ZNF566: variants seen among roughly 807,000 people sequenced by gnomAD.
The protein encoded by ZNF566 is zinc finger protein 566.
Under a neutral mutation model 32.8 loss-of-function variants are expected in ZNF566, and 27 were observed. The ratio of observed to expected loss-of-function variants is 0.82; its 90% CI spans 0.61 to 1.14. The LOEUF (loss-of-function observed/expected upper bound fraction) is 1.14, where lower values mean the gene tolerates loss of function less well. ZNF566 is among the 50% of genes most tolerant of loss of function. ZNF566 has a pLI of 0.00. For missense variants in ZNF566, 402 were observed against 490.4 expected, an observed-to-expected ratio of 0.82 and a Z score of 1.70; for synonymous variants, 154 against 159.5, an observed-to-expected ratio of 0.97 and a Z score of 0.26.
intron 4 of ZNF566, among the ~76,000 whole-genome samples, chr19:36,468,016 T>A (rs2033667354): frequency 6.6e-6 from 1 of 150,462 alleles, no homozygotes; most frequent in Admixed American, 6.6e-5. Flanking sequence ...AGAAACCCCA[T>A]CTCTACTAAA....
At chr19:36,475,170 C>T (rs539869794) in intron 2 of ZNF566, among the ~76,000 whole-genome samples, 18 of 152,284 alleles carry the variant, frequency 1.2e-4, no homozygotes, top group African/African-American at 3.9e-4. Flanking sequence ...CTCAGCCTCC[C>T]GAGTAGCTGG....
At chr19:36,451,388 T>C (rs2033153505) in intron 4 of ZNF566, among the ~76,000 whole-genome samples, 1 of 152,148 alleles carries the variant, frequency 6.6e-6, no homozygotes, top group African/African-American at 2.4e-5. Context: ...TGTCGTGTAA[T>C]TCTGAGATGC....
chr19:36,449,421 AG>A lies in ZNF566; in HGVS notation c.812del (p.Thr271IlefsTer177). ...GKAFSSGSNF[T>X]RHQRIHTGEK... ...CACCTGTGTGAATTCTCTGATGTCG[AG>A]TGAAGTTTGAACCACTACTAAAGGC... On this transcript the variant is annotated frameshift_variant, in exon 5 of 5. Transcript: ENST00000452939. LOFTEE classifies it high-confidence loss of function. 6.2e-7 allele frequency: 1 copy of A among 1,614,120 alleles called. No individual in the cohort carries two copies. Among genetic ancestry groups the A allele is most frequent in the Non-Finnish European group, 8.5e-7 (1 of 1,180,012 alleles).
At chr19:36,468,261 T>C (rs1204368116) in intron 4 of ZNF566, among the ~76,000 whole-genome samples, 1 of 151,164 alleles carries the variant, frequency 6.6e-6, no homozygotes, top group East Asian at 1.9e-4. Context: ...GGAACATTCA[T>C]ATACTGCTGG....
At chr19:36,473,259 G>T (rs1051270355) in intron 3 of ZNF566, 73 bp downstream of exon 3, 2 of 1,556,878 alleles carry the variant, frequency 1.3e-6, no homozygotes, top group African/African-American at 2.7e-5. Context: ...TGAAAGCCAG[G>T]TGAGCATTTC....
rs535511389 is a variant in ZNF566, at chr19:36,458,978, C to A, written c.233-8977G>T. 6.6e-5 allele frequency among the ~76,000 whole-genome samples: 10 copies of A among 152,228 alleles called. No homozygotes were observed. The East Asian group carries it at 1.7e-3, about 27-fold the overall frequency. On this transcript the variant is annotated intron_variant, in intron 4 of 4. Coordinates refer to ENST00000452939, the MANE Select transcript of ZNF566 (RefSeq NM_001145344.1). ...AAGTGCTTCTCTTGCCTCAGCCTCCCAGGTAGCTGGGATTACAGGCATGCA... is the reference window on the plus strand; with the variant it reads ...AAGTGCTTCTCTTGCCTCAGCCTCCAAGGTAGCTGGGATTACAGGCATGCA...
intron 4 of ZNF566, among the ~76,000 whole-genome samples, chr19:36,463,917 G>A (rs2033546431): frequency 6.6e-6 from 1 of 151,870 alleles, no homozygotes; most frequent in African/African-American, 2.4e-5. Context: ...GTAGAGCCTG[G>A]GTTTCACCAC....
In ZNF566 at chr19:36,455,911, C is replaced by T. The variant is rs1342581986; in HGVS notation, c.233-5910G>A. On this transcript the variant is annotated intron_variant, in intron 4 of 4. Coordinates refer to ENST00000452939, the MANE Select transcript of ZNF566 (RefSeq NM_001145344.1). ...AAAATTAGCCAGGCATGGTGGTGGG[C>T]GCCTATAGTCCCAACTACTAGGGAG... 4.0e-5 allele frequency among the ~76,000 whole-genome samples: 6 copies of T among 151,686 alleles called. No homozygotes were observed. In the South Asian group the frequency reaches 6.3e-4, roughly 16 times the overall value.
rs1337119328 is a variant in ZNF566, at chr19:36,462,117, T to A, written c.232+10794A>T. Among the ~76,000 whole-genome samples, 6 of 151,430 alleles carry A rather than the reference T, an allele frequency of 4.0e-5. No individual in the cohort carries two copies. The South Asian group carries it at 1.3e-3, about 32-fold the overall frequency. ...AATTCTCCTGCCTCAGCCTCCCGAGTAGCTGGGATTAGAGGCATGCACCAC... is the reference window on the plus strand; with the variant it reads ...AATTCTCCTGCCTCAGCCTCCCGAGAAGCTGGGATTAGAGGCATGCACCAC... On this transcript the variant is annotated intron_variant, in intron 4 of 4. Coordinates refer to ENST00000452939, the MANE Select transcript of ZNF566 (RefSeq NM_001145344.1).
chr19:36,489,379 C>T (rs1461078048), intron 1 of ZNF566, 107 bp downstream of exon 1: 1 of 287,752 alleles, frequency 3.5e-6, no homozygotes, highest in Non-Finnish European at 6.8e-6. Context: ...CCACACACCT[C>T]CACACAGACG....
chr19:36,476,305 C>CG (rs2033883539), intron 2 of ZNF566: 1 of 345,798 alleles, frequency 2.9e-6, no homozygotes, highest in Non-Finnish European at 5.1e-6. Context: ...GACTCCATCT[C>CG]GAAAAAAAAA....
intron 1 of ZNF566, among the ~76,000 whole-genome samples, chr19:36,477,536 TGTTTGTTTG>T (rs775316364): frequency 0.21 from 25,452 of 123,670 alleles, 5,745 homozygotes; most frequent in South Asian, 0.34. Context: ...GTTTTTTTTT[TGTTTGTTTG>T]TTTGTTTTTT....
At chr19:36,464,900 C>T (rs934197198) in intron 4 of ZNF566, among the ~76,000 whole-genome samples, 1 of 152,042 alleles carries the variant, frequency 6.6e-6, no homozygotes, top group African/African-American at 2.4e-5. Flanking sequence ...ACTAAACATA[C>T]AATTTGACAA....
chr19:36,467,897 A>G (rs1413461078), intron 4 of ZNF566, among the ~76,000 whole-genome samples: 4 of 151,164 alleles, frequency 2.6e-5, no homozygotes, highest in African/African-American at 9.8e-5. Flanking sequence ...ATAAAAATCA[A>G]AGTTTGGGCT....
chr19:36,485,271 C>CAAA lies in ZNF566; in HGVS notation c.-60+4212_-60+4214dup, dbSNP rs748231707. 1.1e-4 allele frequency among the ~76,000 whole-genome samples: 9 copies of CAAA among 81,910 alleles called. No homozygotes were observed. The South Asian group carries it at 1.2e-3, about 11-fold the overall frequency. The allele number at this position is 81,910 out of a possible 152,430, so 53.7% of individuals were successfully genotyped here. A position where few individuals can be genotyped will look rare whatever the true frequency, so the allele number is the denominator to read the frequency against. On this transcript the variant is annotated intron_variant, in intron 1 of 4. Transcript: ENST00000452939. ...GCAATATAGCAAGATGCTATCTCTA[C>CAAA]AAAAAAAAAAAAAAAAAGAAAATAG...
At chr19:36,476,844 C>CACAT (rs1239536268) in intron 1 of ZNF566, among the ~76,000 whole-genome samples, 13 of 152,102 alleles carry the variant, frequency 8.5e-5, no homozygotes, top group Non-Finnish European at 1.5e-4. Context: ...TATATACACA[C>CACAT]ACATACATAC....
chr19:36,453,915 C>G (rs2033233705), intron 4 of ZNF566, among the ~76,000 whole-genome samples: 1 of 152,086 alleles, frequency 6.6e-6, no homozygotes, highest in Admixed American at 6.6e-5. Context: ...CCTCTGCCTC[C>G]CAGGTTCAAG....
At chr19:36,489,228 C>T (rs1467806981) in intron 1 of ZNF566, among the ~76,000 whole-genome samples, 1 of 152,218 alleles carries the variant, frequency 6.6e-6, no homozygotes, top group East Asian at 1.9e-4. Context: ...CCCACAGCCG[C>T]ACACACAATG....
intron 1 of ZNF566, among the ~76,000 whole-genome samples, chr19:36,480,126 GAAAAGAAA>G (rs1229565343): frequency 1.3e-5 from 2 of 151,424 alleles, no homozygotes; most frequent in Non-Finnish European, 2.9e-5. Flanking sequence ...AGATAGCTTG[GAAAAGAAA>G]AAAAGTAGGA....
Sources: allele counts gnomAD v4.1 joint callset (sites outside exome capture counted in the v4.1 genomes callset), GRCh38; gene constraint gnomAD v4.1.1; transcripts MANE v1.5; gene names NCBI Gene and HGNC (gene_info 2026-07-23, HGNC 2026-07-21).